The following PARD3B variants were observed in gnomAD, a reference collection of about 807,000 sequenced individuals.
PARD3B encodes the protein partitioning defective 3 homolog B.
A neutral mutation model predicts 130.2 loss-of-function variants in PARD3B; 103 were observed. The observed-to-expected ratio is 0.79, with a 90% CI of 0.67 to 0.93. PARD3B has a LOEUF of 0.93. PARD3B is among the 40% of genes least tolerant of loss of function. The probability of loss-of-function intolerance (pLI) is 0.00; values close to 1 mark genes in which losing one functional copy is unlikely to be tolerated. For missense variants in PARD3B, 1,609 were observed against 1,499.2 expected (o/e 1.07, Z -1.21); for synonymous variants, 583 against 553.2 (o/e 1.05, Z -0.76).
chr2:205,336,382 A>G (rs1480833737), intron 18 of PARD3B, among the ~76,000 whole-genome samples: 2 of 152,226 alleles, frequency 1.3e-5, no homozygotes, highest in Admixed American at 1.3e-4. Context: ...TGATTTTTAC[A>G]TTGGACTTAG....
chr2:205,380,523 A>ATATTATATATAATATATACAG (rs1559033665), intron 18 of PARD3B, among the ~76,000 whole-genome samples: 1 of 2,074 alleles, frequency 4.8e-4, no homozygotes, highest in Non-Finnish European at 6.7e-4. Flanking sequence ...TATATAAAGA[A>ATATTATATATAATATATACAG]TATATATTAT....
chr2:204,661,044 C>T (rs1291127453), intron 1 of PARD3B, among the ~76,000 whole-genome samples: 1 of 152,156 alleles, frequency 6.6e-6, no homozygotes, highest in African/African-American at 2.4e-5. Context: ...ACTTGCCCTA[C>T]AAGTCAGGCC....
chr2:205,053,899 A>AT (rs1243105628), intron 4 of PARD3B, among the ~76,000 whole-genome samples: 2 of 151,778 alleles, frequency 1.3e-5, no homozygotes, highest in Non-Finnish European at 2.9e-5. Flanking sequence ...AAAGGTTTTT[A>AT]TTTTTTTTCC....
chr2:204,886,170 G>A (rs75271746), intron 2 of PARD3B, among the ~76,000 whole-genome samples: 2,813 of 152,220 alleles, frequency 0.018, 59 homozygotes, highest in East Asian at 0.11. Context: ...GAAAAGACTC[G>A]GTCATCTAGT....
intron 2 of PARD3B, among the ~76,000 whole-genome samples, chr2:204,832,752 G>C (rs1046315369): frequency 1.3e-5 from 2 of 152,152 alleles, no homozygotes; most frequent in Non-Finnish European, 2.9e-5. Context: ...TGTTCTGGAA[G>C]TATTGTGGGT....
chr2:205,119,059 T>G lies in PARD3B; in HGVS notation c.806+13T>G. On this transcript the variant is annotated intron_variant, in intron 7 of 22. Coordinates refer to ENST00000406610, the MANE Select transcript of PARD3B (RefSeq NM_001302769.2). ...AAACCTTTGCTCAGTAAGCATTTTT[T>G]CATTGTTTTATTTACTTTCTTGATC... 1.3e-6 allele frequency: 2 copies of G among 1,595,492 alleles called. No individual in the cohort carries two copies. Among genetic ancestry groups the G allele is most frequent in the Non-Finnish European group, 1.7e-6 (2 of 1,173,170 alleles).
chr2:205,543,733 C>T (rs2052267883), intron 21 of PARD3B, among the ~76,000 whole-genome samples: 1 of 152,196 alleles, frequency 6.6e-6, no homozygotes, highest in Non-Finnish European at 1.5e-5. Context: ...GATTGCAACT[C>T]ATGATACTGA....
In PARD3B at chr2:204,958,764, C is replaced by A. The variant is rs574447879; in HGVS notation, c.223-6388C>A. Among the ~76,000 whole-genome samples the A allele has an allele frequency of 3.3e-5, 5 of 152,228 alleles. No individual in the cohort carries two copies. In the South Asian group the frequency reaches 1.0e-3, roughly 32 times the overall value. On this transcript the variant is annotated intron_variant, in intron 2 of 22. Coordinates refer to ENST00000406610, the MANE Select transcript of PARD3B (RefSeq NM_001302769.2). ...GTTAGTATTCTACCCTATTCCTTCT[C>A]ACCCCCAAAAACACTCACATGTTCA... is the stretch of plus-strand genomic sequence containing the variant.
chr2:204,988,563 A>C (rs1693379389), intron 3 of PARD3B, among the ~76,000 whole-genome samples: 1 of 152,242 alleles, frequency 6.6e-6, no homozygotes, highest in Non-Finnish European at 1.5e-5. Context: ...TGCTTATTTC[A>C]TATTACATAC....
chr2:205,254,287 C>A (rs2039979394), intron 16 of PARD3B, among the ~76,000 whole-genome samples: 1 of 151,728 alleles, frequency 6.6e-6, no homozygotes. Context: ...GTAGCCGACA[C>A]CTCATATTGG....
intron 18 of PARD3B, among the ~76,000 whole-genome samples, chr2:205,330,661 A>G (rs998716594): frequency 6.6e-6 from 1 of 151,752 alleles, no homozygotes; most frequent in Non-Finnish European, 1.5e-5. Context: ...TATGATTTCA[A>G]TTTATGACAG....
chr2:205,191,592 T>A (rs1238642154), intron 14 of PARD3B, among the ~76,000 whole-genome samples: 3 of 152,220 alleles, frequency 2.0e-5, no homozygotes, highest in Non-Finnish European at 2.9e-5. Context: ...GCTTATTTGT[T>A]AACTTACCTA....
intron 4 of PARD3B, among the ~76,000 whole-genome samples, chr2:205,051,511 T>C (rs1699189924): frequency 6.6e-6 from 1 of 152,198 alleles, no homozygotes; most frequent in Admixed American, 6.5e-5. Context: ...GCTGTAAGGA[T>C]GAATATTTGA....
chr2:204,801,390 T>C (rs2042562530), intron 2 of PARD3B, among the ~76,000 whole-genome samples: 1 of 152,208 alleles, frequency 6.6e-6, no homozygotes, highest in Non-Finnish European at 1.5e-5. Flanking sequence ...CTTATTTCCT[T>C]GAGCAGTGAT....
intron 2 of PARD3B, among the ~76,000 whole-genome samples, chr2:204,709,813 C>T (rs2038350139): frequency 6.6e-6 from 1 of 152,138 alleles, no homozygotes; most frequent in African/African-American, 2.4e-5. Context: ...ACTTTGCATG[C>T]TCAGAATTTT....
intron 2 of PARD3B, among the ~76,000 whole-genome samples, chr2:204,744,662 G>T (rs1438575486): frequency 6.6e-6 from 1 of 152,082 alleles, no homozygotes; most frequent in Non-Finnish European, 1.5e-5. Context: ...TAAGACAAGG[G>T]ATATCAATGT....
chr2:205,555,523 G>A (rs924248891), intron 22 of PARD3B, among the ~76,000 whole-genome samples: 3 of 152,140 alleles, frequency 2.0e-5, no homozygotes, highest in African/African-American at 7.2e-5. Context: ...TATATTTTAG[G>A]ATTAAACACT....
intron 2 of PARD3B, among the ~76,000 whole-genome samples, chr2:204,953,076 G>GGAGA (rs912394085): frequency 7.8e-6 from 1 of 127,894 alleles, no homozygotes; most frequent in Non-Finnish European, 1.6e-5. Context: ...AGAGAGAGAG[G>GGAGA]GAGAGAGAGA....
In PARD3B at chr2:205,056,304, G is replaced by A. The variant is rs966286232; in HGVS notation, c.504+8614G>A. Among the ~76,000 whole-genome samples the A allele has an allele frequency of 4.6e-5, 7 of 151,910 alleles. 1 individual carries two copies. The South Asian group carries it at 6.2e-4, about 14-fold the overall frequency. ...TGTCATACAATGACATTGTACAGAC[G>A]TTTAAAAGAGTTTTATTTCTTAGGA... On this transcript the variant is annotated intron_variant, in intron 4 of 22. Transcript: ENST00000406610.
Sources: allele counts gnomAD v4.1 joint callset (sites outside exome capture counted in the v4.1 genomes callset), GRCh38; gene constraint gnomAD v4.1.1; transcripts MANE v1.5; gene names NCBI Gene and HGNC (gene_info 2026-07-23, HGNC 2026-07-21).